Variants in RBFOX1 observed in about 807,000 individuals in gnomAD.
RBFOX1 encodes the protein RNA binding fox-1 homolog 1.
A neutral mutation model predicts 57.7 loss-of-function variants in RBFOX1; 8 were observed. The ratio of observed to expected loss-of-function variants is 0.14; its 90% CI spans 0.08 to 0.25. RBFOX1 has a LOEUF of 0.25. Ranked by LOEUF, RBFOX1 falls within the 10% of genes least tolerant of loss-of-function variation. The pLI, the probability that RBFOX1 is intolerant of heterozygous loss-of-function variation, is 1.00. For synonymous variants in RBFOX1, 326 were observed against 222.4 expected (o/e 1.47, Z -4.15); for missense variants, 611 against 548.5 (o/e 1.11, Z -1.14).
At chr16:6,885,696 T>G (rs2063854928) in intron 3 of RBFOX1, among the ~76,000 whole-genome samples, 1 of 152,058 alleles carries the variant, frequency 6.6e-6, no homozygotes, top group African/African-American at 2.4e-5. Flanking sequence ...CACACTCAGC[T>G]AATTTTTCTA....
chr16:6,218,829 C>G (rs1193879508), intron 1 of RBFOX1, among the ~76,000 whole-genome samples: 1 of 145,244 alleles, frequency 6.9e-6, no homozygotes, highest in African/African-American at 2.5e-5. Flanking sequence ...TTAGTTAAGT[C>G]CCAAATGGAG....
At chr16:6,340,710 A>G (rs1266146472) in intron 2 of RBFOX1, among the ~76,000 whole-genome samples, 1 of 152,100 alleles carries the variant, frequency 6.6e-6, no homozygotes, top group Non-Finnish European at 1.5e-5. Context: ...TTTTATGAGC[A>G]AGGTCTTTAT....
At chr16:7,001,141 T>A (rs756797647) in intron 3 of RBFOX1, among the ~76,000 whole-genome samples, 2 of 152,164 alleles carry the variant, frequency 1.3e-5, no homozygotes, top group Admixed American at 1.3e-4. Flanking sequence ...TTTTCCAGTT[T>A]TCAAATCCGT....
chr16:7,419,168 A>T (rs2098514651), intron 4 of RBFOX1, among the ~76,000 whole-genome samples: 1 of 152,116 alleles, frequency 6.6e-6, no homozygotes, highest in Admixed American at 6.5e-5. Context: ...GTGGCCTCCC[A>T]AAGTGCTGGG....
intron 3 of RBFOX1, among the ~76,000 whole-genome samples, chr16:7,036,381 G>C (rs78710506): frequency 0.017 from 2,625 of 152,216 alleles, 60 homozygotes; most frequent in East Asian, 0.12. Flanking sequence ...TCCCAATGCA[G>C]ATCCCCAGAT....
intron 3 of RBFOX1, among the ~76,000 whole-genome samples, chr16:6,687,959 G>T (rs1350819245): frequency 6.6e-6 from 1 of 152,182 alleles, no homozygotes; most frequent in South Asian, 2.1e-4. Context: ...AGAAATGAAA[G>T]ATGACACATG....
In RBFOX1 at chr16:6,967,591, T is replaced by G. The variant is rs186504284; in HGVS notation, c.-15-84466T>G. On this transcript the variant is annotated intron_variant, in intron 3 of 15. Coordinates refer to ENST00000550418, the MANE Select transcript of RBFOX1 (RefSeq NM_018723.4). Reference sequence around the variant, plus strand: ...CCTCTTTACATGTCATCAGCTTCTCTAGTTCACCCTGCCCCTCAGTACTCA... The same window carrying G: ...CCTCTTTACATGTCATCAGCTTCTCGAGTTCACCCTGCCCCTCAGTACTCA... Among the ~76,000 whole-genome samples the G allele has an allele frequency of 3.1e-3, 479 of 152,236 alleles. 5 individuals carry two copies. Among genetic ancestry groups the G allele is most frequent in the African/African-American group, 0.011 (465 of 41,534 alleles).
chr16:5,434,023 G>A (rs1490013601), intron 1 of RBFOX1, among the ~76,000 whole-genome samples: 1 of 152,076 alleles, frequency 6.6e-6, no homozygotes, highest in African/African-American at 2.4e-5. Context: ...TCTGAATTTT[G>A]AGTTGGGGTA....
intron 3 of RBFOX1, among the ~76,000 whole-genome samples, chr16:6,654,939 G>T (rs1465094781): frequency 1.3e-5 from 2 of 151,938 alleles, no homozygotes; most frequent in Non-Finnish European, 2.9e-5. Flanking sequence ...TTTAACACTT[G>T]TCACATTGAA....
At chr16:6,214,423 G>A (rs73534012) in intron 1 of RBFOX1, among the ~76,000 whole-genome samples, 5,687 of 148,732 alleles carry the variant, frequency 0.038, 151 homozygotes, top group Middle Eastern at 0.17. Flanking sequence ...GTGGGGAGAG[G>A]GAGAGAGGGA....
chr16:5,454,890 CTTTCTTTCTTTCTTTCT>C (rs1567535066), intron 1 of RBFOX1, among the ~76,000 whole-genome samples: 5 of 91,518 alleles, frequency 5.5e-5, no homozygotes, highest in African/African-American at 2.1e-4. Flanking sequence ...TTCTTTCTTT[CTTTCTTTCTTTCTTTCT>C]TTCTTTCCTT....
intron 1 of RBFOX1, among the ~76,000 whole-genome samples, chr16:6,085,650 T>G (rs74438400): frequency 2.5e-4 from 37 of 150,590 alleles, no homozygotes; most frequent in Admixed American, 6.6e-4. Flanking sequence ...CAGTGTGTGT[T>G]TGTGTGTGTG....
chr16:6,553,416 C>G (rs1219270228), intron 2 of RBFOX1, among the ~76,000 whole-genome samples: 1 of 152,176 alleles, frequency 6.6e-6, no homozygotes, highest in Non-Finnish European at 1.5e-5. Context: ...AAGGAGAATG[C>G]TCTTTTTGAG....
chr16:6,849,128 T>G (rs932056147), intron 3 of RBFOX1, among the ~76,000 whole-genome samples: 1 of 152,132 alleles, frequency 6.6e-6, no homozygotes, highest in African/African-American at 2.4e-5. Flanking sequence ...TTATATATAA[T>G]CATCCCCAGA....
At chr16:5,966,590 G>A (rs1336754779) in intron 4 of RBFOX1, among the ~76,000 whole-genome samples, 1 of 152,184 alleles carries the variant, frequency 6.6e-6, no homozygotes, top group Non-Finnish European at 1.5e-5. Flanking sequence ...AAGTAGCTGG[G>A]ATTACAGCAC....
chr16:6,859,111 G>GTGTGTATATATA (rs1383584385), intron 3 of RBFOX1, among the ~76,000 whole-genome samples: 3 of 65,126 alleles, frequency 4.6e-5, no homozygotes, highest in Non-Finnish European at 8.2e-5. Flanking sequence ...TAAAAAAAGT[G>GTGTGTATATATA]TATATATATA....
At chr16:7,461,711 C>A (rs187582409) in intron 4 of RBFOX1, among the ~76,000 whole-genome samples, 33 of 152,256 alleles carry the variant, frequency 2.2e-4, no homozygotes, top group South Asian at 4.2e-4. Context: ...TATGATAATC[C>A]ACATCCAGCA....
At chr16:6,816,144 CA>C (rs1336805942) in intron 3 of RBFOX1, among the ~76,000 whole-genome samples, 2 of 152,040 alleles carry the variant, frequency 1.3e-5, no homozygotes, top group Non-Finnish European at 2.9e-5. Context: ...CCCGTCTCTA[CA>C]AAATTTTTAT....
At chr16:7,704,610 G>A (rs1473885340) in intron 14 of RBFOX1, among the ~76,000 whole-genome samples, 3 of 152,186 alleles carry the variant, frequency 2.0e-5, no homozygotes, top group African/African-American at 7.2e-5. Flanking sequence ...TGCAATGGCA[G>A]ACAAAATAGA....
Sources: allele counts gnomAD v4.1 joint callset (sites outside exome capture counted in the v4.1 genomes callset), GRCh38; gene constraint gnomAD v4.1.1; transcripts MANE v1.5; gene names NCBI Gene and HGNC (gene_info 2026-07-23, HGNC 2026-07-21).